The following FCF1 variants were observed in gnomAD, a reference collection of about 807,000 sequenced individuals.
FCF1 encodes the protein rRNA-processing protein FCF1 homolog.
Under a neutral mutation model 32.5 loss-of-function variants are expected in FCF1, and 17 were observed. That is an observed-to-expected ratio of 0.52 (90% CI 0.36 to 0.78). FCF1 has a LOEUF of 0.78. Among genes scored for constraint, FCF1 ranks in the 30% least tolerant of loss-of-function variants. The pLI is 0.00. For synonymous variants in FCF1, 84 were observed against 78.4 expected, an observed-to-expected ratio of 1.07 and a Z score of -0.38; for missense variants, 201 against 241.1, an observed-to-expected ratio of 0.83 and a Z score of 1.10.
chr14:74,734,594 T>A (rs1279980897), intron 7 of FCF1, among the ~76,000 whole-genome samples: 1 of 152,144 alleles, frequency 6.6e-6, no homozygotes, highest in African/African-American at 2.4e-5. Context: ...CTTTTCAGCT[T>A]GAGGAGAGCA....
intron 4 of FCF1, among the ~76,000 whole-genome samples, chr14:74,722,420 T>C (rs1043403362): frequency 1.3e-5 from 2 of 152,166 alleles, no homozygotes; most frequent in African/African-American, 4.8e-5. Context: ...TTTGGCCCAA[T>C]AGACTCCGTT....
At chr14:74,725,332 T>C (rs1490049430) in intron 5 of FCF1, among the ~76,000 whole-genome samples, 1 of 151,068 alleles carries the variant, frequency 6.6e-6, no homozygotes, top group Non-Finnish European at 1.5e-5. Context: ...ATATGAAAAT[T>C]AGCCAGGCAT....
chr14:74,718,134 G>A (rs1226503354), intron 4 of FCF1, among the ~76,000 whole-genome samples: 6 of 152,152 alleles, frequency 3.9e-5, no homozygotes, highest in African/African-American at 4.8e-5. Context: ...CGAAGTGCTG[G>A]GATTGCAGGC....
chr14:74,730,738 G>C (rs113507604), intron 5 of FCF1, among the ~76,000 whole-genome samples: 1 of 152,128 alleles, frequency 6.6e-6, no homozygotes, highest in African/African-American at 2.4e-5. Context: ...AGTGGCTAAC[G>C]CCTGTAATCC....
Position 74,738,404 on chromosome 14 carries a change from A to C in FCF1, c.*3474A>C, listed in dbSNP as rs1388078962. 1 of 152,230 alleles carries C rather than the reference A, an allele frequency of 6.6e-6. No individual in the cohort carries two copies. The highest frequency in any genetic ancestry group is 1.5e-5 in the Non-Finnish European group (1 of 68,046). 9.4% of individuals were successfully genotyped at this position (152,230 alleles called of 1,614,324 possible). A position where few individuals can be genotyped will look rare whatever the true frequency, so the allele number is the denominator to read the frequency against. On this transcript the variant is annotated 3_prime_UTR_variant, in exon 8 of 8. Transcript: ENST00000341162. ...ATAGAATTCTTAAGCAGAATCTAAAAAGATTGAAGAGTTTGAATATATTAA... is the reference window on the plus strand; with the variant it reads ...ATAGAATTCTTAAGCAGAATCTAAACAGATTGAAGAGTTTGAATATATTAA...
At position 74,737,374 on chromosome 14, in the gene FCF1, A is replaced by G. The variant is rs1272358940; in HGVS notation, c.*2444A>G. ...TGTCTCAAAAACAAACAAACAAAAA[A>G]CCTATGTATTTGTGGGGATTTGGTA... On this transcript the variant is annotated 3_prime_UTR_variant, in exon 8 of 8. Transcript: ENST00000341162. The G allele has an allele frequency of 4.6e-5, 7 of 151,900 alleles. No individual in the cohort carries two copies. Among genetic ancestry groups the G allele is most frequent in the Admixed American group, 4.6e-4 (7 of 15,252 alleles). The allele number at this position is 151,900 out of a possible 1,614,324, so 9.4% of individuals were successfully genotyped here.
intron 2 of FCF1, 152 bp from the exon 3 acceptor site, chr14:74,714,720 G>A: frequency 9.3e-7 from 1 of 1,075,218 alleles, no homozygotes; most frequent in Non-Finnish European, 1.3e-6. Context: ...TATTTGCTCA[G>A]AAAGAGTATG....
chr14:74,715,880 CTTT>C, intron 3 of FCF1, 68 bp from the exon 4 acceptor site: 2 of 1,607,582 alleles, frequency 1.2e-6, no homozygotes, highest in African/African-American at 1.3e-5. Flanking sequence ...AAGCAGACTT[CTTT>C]TTTGTTTTTG....
chr14:74,718,965 A>G (rs1454265823), intron 4 of FCF1, among the ~76,000 whole-genome samples: 3 of 151,636 alleles, frequency 2.0e-5, no homozygotes, highest in Non-Finnish European at 4.4e-5. Context: ...CCCCATCTCT[A>G]CTAAAAATAC....
At chr14:74,714,827 T>C in intron 2 of FCF1, 45 bp from the exon 3 acceptor site, 1 of 1,512,424 alleles carries the variant, frequency 6.6e-7, no homozygotes, top group South Asian at 1.3e-5. Flanking sequence ...TTAATTGCTG[T>C]GGTTTTTCTT....
At chr14:74,719,045 T>A (rs8007145) in intron 4 of FCF1, among the ~76,000 whole-genome samples, 103,780 of 149,228 alleles carry the variant, frequency 0.7, 36,126 homozygotes, top group East Asian at 0.75. Flanking sequence ...GAAGAGAATC[T>A]CTGGAACCTG....
At chr14:74,732,918 C>A in intron 6 of FCF1, 100 bp downstream of exon 6, 1 of 684,464 alleles carries the variant, frequency 1.5e-6, no homozygotes, top group Non-Finnish European at 2.4e-6. Flanking sequence ...TAGGAATATA[C>A]ATTATGGTTA....
chr14:74,716,226 C>T, intron 4 of FCF1, 127 bp downstream of exon 4: 1 of 860,706 alleles, frequency 1.2e-6, no homozygotes, highest in East Asian at 2.5e-5. Flanking sequence ...ACAGTGGTCA[C>T]CATAGCAGTG....
chr14:74,734,948 T>A lies in FCF1; in HGVS notation c.*18T>A, dbSNP rs557111381. ...GATTCTAATTCTTACAAGACACAGT[T>A]CCTCTGCCTTTCTTCGACCAACTTT... On this transcript the variant is annotated 3_prime_UTR_variant, in exon 8 of 8. Coordinates refer to ENST00000341162, the MANE Select transcript of FCF1 (RefSeq NM_015962.5). The A allele has an allele frequency of 6.2e-7, 1 of 1,608,448 alleles. No homozygotes were observed. The highest frequency in any genetic ancestry group is 2.2e-5 in the East Asian group (1 of 44,854).
chr14:74,720,547 A>G (rs1594784184), intron 4 of FCF1, among the ~76,000 whole-genome samples: 2 of 152,364 alleles, frequency 1.3e-5, no homozygotes, highest in South Asian at 4.1e-4. Flanking sequence ...ACTAAATAAT[A>G]TTCCACTGTA....
intron 4 of FCF1, among the ~76,000 whole-genome samples, chr14:74,720,603 AC>A (rs1390379830): frequency 6.6e-6 from 1 of 152,140 alleles, no homozygotes; most frequent in African/African-American, 2.4e-5. Flanking sequence ...TTTACATTGA[AC>A]TATATATTTT....
chr14:74,713,217 C>A lies in FCF1; in HGVS notation c.3+17C>A. On this transcript the variant is annotated intron_variant, in intron 1 of 7. Transcript: ENST00000341162. ...GTGACCATGGTGAGAGAAGACGGTC[C>A]AAGAAGGGACGTTATCAGGCCACTT... The A allele has an allele frequency of 6.2e-7, 1 of 1,614,168 alleles. No homozygotes were observed. Among genetic ancestry groups the A allele is most frequent in the Non-Finnish European group, 8.5e-7 (1 of 1,180,036 alleles).
Position 74,735,136 on chromosome 14 carries a change from T to G in FCF1, c.*206T>G. The G allele has an allele frequency of 2.2e-6, 1 of 461,140 alleles. No individual in the cohort carries two copies. The allele number at this position is 461,140 out of a possible 1,614,324, so 28.6% of individuals were successfully genotyped here. A position where few individuals can be genotyped will look rare whatever the true frequency, so the allele number is the denominator to read the frequency against. ...AGAGTTAAGTTACCTTTTAAGCATTTTGTGGGGCCGCGGGGGTTGGGGGGA... is the reference window on the plus strand; with the variant it reads ...AGAGTTAAGTTACCTTTTAAGCATTGTGTGGGGCCGCGGGGGTTGGGGGGA... On this transcript the variant is annotated 3_prime_UTR_variant, in exon 8 of 8. Transcript: ENST00000341162.
At position 74,736,264 on chromosome 14, in the gene FCF1, T is replaced by C. The variant is rs903294811; in HGVS notation, c.*1334T>C. On this transcript the variant is annotated 3_prime_UTR_variant, in exon 8 of 8. Coordinates refer to ENST00000341162, the MANE Select transcript of FCF1 (RefSeq NM_015962.5). ...CCTCTACTAAAAATACAAAAAAAAT[T>C]AGCTGGGTATGGTGTCACGTGCCTG... 3 of 151,898 alleles carry C rather than the reference T, an allele frequency of 2.0e-5. No individual in the cohort carries two copies. Among genetic ancestry groups the C allele is most frequent in the Non-Finnish European group, 2.9e-5 (2 of 68,044 alleles). The allele number at this position is 151,898 out of a possible 1,614,324, so 9.4% of individuals were successfully genotyped here.
Sources: allele counts gnomAD v4.1 joint callset (sites outside exome capture counted in the v4.1 genomes callset), GRCh38; gene constraint gnomAD v4.1.1; transcripts MANE v1.5; gene names NCBI Gene and HGNC (gene_info 2026-07-23, HGNC 2026-07-21).